The following PEPD variants were observed in gnomAD, a reference collection of about 807,000 sequenced individuals.
The protein encoded by PEPD is peptidase D, also known as xaa-Pro dipeptidase.
PEPD carries 53 observed loss-of-function variants against 60.7 expected under a neutral mutation model. That is an observed-to-expected ratio of 0.87 (90% CI 0.70 to 1.10). PEPD has a LOEUF of 1.10. Ranked by LOEUF, PEPD falls within the 50% of genes least tolerant of loss-of-function variation. PEPD has a pLI of 0.00. For missense variants in PEPD, 711 were observed against 711.9 expected (o/e 1.00, Z 0.01); for synonymous variants, 267 against 284.1 (o/e 0.94, Z 0.60).
intron 9 of PEPD, among the ~76,000 whole-genome samples, chr19:33,437,513 C>A (rs1330045915): frequency 6.6e-6 from 1 of 151,976 alleles, no homozygotes; most frequent in East Asian, 1.9e-4. Context: ...GGAGACAGCA[C>A]TCCAGAATCA....
At chr19:33,401,687 C>G in intron 12 of PEPD, 34 bp downstream of exon 12, 1 of 1,591,178 alleles carries the variant, frequency 6.3e-7, no homozygotes, top group Non-Finnish European at 8.6e-7. Context: ...AACGCCACGT[C>G]AGATGCGCCT....
chr19:33,452,059 A>G (rs971345605), intron 9 of PEPD, among the ~76,000 whole-genome samples: 22 of 152,238 alleles, frequency 1.4e-4, no homozygotes, highest in Non-Finnish European at 7.3e-5. Context: ...AACACTTTCC[A>G]GTATTCCATA....
chr19:33,463,571 C>G (rs921253246), intron 8 of PEPD, among the ~76,000 whole-genome samples: 1 of 152,022 alleles, frequency 6.6e-6, no homozygotes, highest in Non-Finnish European at 1.5e-5. Flanking sequence ...TCCAGTAAAG[C>G]GGGAAGGTTT....
At chr19:33,398,569 A>C (rs2145340766) in intron 12 of PEPD, among the ~76,000 whole-genome samples, 1 of 152,346 alleles carries the variant, frequency 6.6e-6, no homozygotes, top group Non-Finnish European at 1.5e-5. Context: ...AATACACCAC[A>C]GGCCACGCTC....
chr19:33,515,932 G>A (rs1249098405), intron 1 of PEPD, among the ~76,000 whole-genome samples: 1 of 151,934 alleles, frequency 6.6e-6, no homozygotes, highest in Admixed American at 6.6e-5. Flanking sequence ...CACCCAGACT[G>A]GGATCCCAAG....
intron 11 of PEPD, among the ~76,000 whole-genome samples, chr19:33,411,017 G>A (rs918824369): frequency 4.6e-5 from 7 of 152,120 alleles, no homozygotes; most frequent in East Asian, 1.9e-4. Context: ...CCTGCACACC[G>A]AGGGGCTGTG....
At chr19:33,490,519 G>A (rs555790492) in intron 5 of PEPD, among the ~76,000 whole-genome samples, 14 of 152,362 alleles carry the variant, frequency 9.2e-5, no homozygotes, top group Middle Eastern at 3.4e-3. Flanking sequence ...ACCTGACTGT[G>A]GCAGGACTGC....
intron 9 of PEPD, among the ~76,000 whole-genome samples, chr19:33,414,968 C>T (rs1403236779): frequency 1.3e-5 from 2 of 152,220 alleles, no homozygotes; most frequent in African/African-American, 4.8e-5. Flanking sequence ...GCTTCCACCT[C>T]GCTCCTGGGA....
chr19:33,447,280 G>A (rs1416846060), intron 9 of PEPD, among the ~76,000 whole-genome samples: 1 of 152,226 alleles, frequency 6.6e-6, no homozygotes, highest in Non-Finnish European at 1.5e-5. Flanking sequence ...ACCAGTGCCG[G>A]ATGACTGTGG....
intron 9 of PEPD, among the ~76,000 whole-genome samples, chr19:33,440,296 C>A (rs1192677853): frequency 6.6e-6 from 1 of 152,164 alleles, no homozygotes; most frequent in Non-Finnish European, 1.5e-5. Flanking sequence ...ACTCTTCCCA[C>A]AACACCCAGC....
At chr19:33,488,875 G>A (rs1970444651) in intron 6 of PEPD, among the ~76,000 whole-genome samples, 1 of 152,154 alleles carries the variant, frequency 6.6e-6, no homozygotes, top group African/African-American at 2.4e-5. Context: ...CATGGGGGCT[G>A]TAGGGGATGC....
At chr19:33,448,179 A>T (rs1402011743) in intron 9 of PEPD, among the ~76,000 whole-genome samples, 3 of 152,310 alleles carry the variant, frequency 2.0e-5, no homozygotes, top group South Asian at 2.1e-4. Context: ...ATAGGTCTGG[A>T]TGAGGATTTT....
chr19:33,500,133 G>A lies in PEPD; in HGVS notation c.393+805C>T, dbSNP rs188806920. Among the ~76,000 whole-genome samples the A allele has an allele frequency of 3.4e-3, 518 of 152,378 alleles. 2 individuals carry two copies. Among genetic ancestry groups the A allele is most frequent in the Admixed American group, 5.7e-3 (87 of 15,312 alleles). On this transcript the variant is annotated intron_variant, in intron 4 of 14. Transcript: ENST00000244137. The stretch of plus-strand genomic sequence containing the variant: ...AGCTGATGCTGCCAGGTCCAGGTTG[G>A]ACTCCCAGTGGCAGGCATTGACTTC...
At chr19:33,509,325 C>T (rs906303030) in intron 3 of PEPD, among the ~76,000 whole-genome samples, 1 of 152,222 alleles carries the variant, frequency 6.6e-6, no homozygotes, top group Non-Finnish European at 1.5e-5. Flanking sequence ...CCAGGAGAAA[C>T]AGTCCCCTTT....
intron 9 of PEPD, among the ~76,000 whole-genome samples, chr19:33,431,196 G>A (rs893154322): frequency 3.5e-4 from 48 of 138,184 alleles, no homozygotes; most frequent in Non-Finnish European, 6.8e-4. Context: ...GGGAGGGAGG[G>A]AGGGAGAGAG....
intron 9 of PEPD, among the ~76,000 whole-genome samples, chr19:33,432,738 G>A (rs541412216): frequency 5.9e-5 from 9 of 152,288 alleles, no homozygotes; most frequent in East Asian, 3.9e-4. Context: ...CAGAAATCTC[G>A]GATTCAGCAA....
At chr19:33,474,720 C>T (rs558652568) in intron 7 of PEPD, among the ~76,000 whole-genome samples, 3 of 152,142 alleles carry the variant, frequency 2.0e-5, no homozygotes, top group Admixed American at 2.0e-4. Context: ...GTGGCTCACG[C>T]CTATAATCCC....
At chr19:33,495,334 C>A (rs1476462439) in intron 4 of PEPD, among the ~76,000 whole-genome samples, 1 of 145,856 alleles carries the variant, frequency 6.9e-6, no homozygotes, top group African/African-American at 2.5e-5. Context: ...GTGAAACCCC[C>A]ATCTCTACTA....
At chr19:33,411,205 C>T (rs367556160) in intron 11 of PEPD, among the ~76,000 whole-genome samples, 39 of 152,182 alleles carry the variant, frequency 2.6e-4, no homozygotes, top group African/African-American at 7.0e-4. Flanking sequence ...AACGCAGGGC[C>T]GCAGAGGCCA....
Sources: allele counts gnomAD v4.1 joint callset (sites outside exome capture counted in the v4.1 genomes callset), GRCh38; gene constraint gnomAD v4.1.1; transcripts MANE v1.5; gene names NCBI Gene and HGNC (gene_info 2026-07-23, HGNC 2026-07-21).